Variants in RGS22 observed in about 807,000 individuals in gnomAD.
RGS22 encodes regulator of G protein signaling 22, also known as regulator of G-protein signaling 22.
RGS22 carries 148 observed loss-of-function variants against 172.9 expected under a neutral mutation model. The ratio of observed to expected loss-of-function variants is 0.86; its 90% CI spans 0.75 to 0.98. The LOEUF (loss-of-function observed/expected upper bound fraction) is 0.98. RGS22 is among the 50% of genes least tolerant of loss of function. The pLI is 0.00. For synonymous variants in RGS22, 458 were observed against 480.2 expected (o/e 0.95, Z 0.60); for missense variants, 1,347 against 1,440.8 (o/e 0.93, Z 1.05).
chr8:100,026,065 T>C (rs1818143728), intron 14 of RGS22, among the ~76,000 whole-genome samples: 1 of 152,194 alleles, frequency 6.6e-6, no homozygotes, highest in Non-Finnish European at 1.5e-5. Context: ...AGCAATAACA[T>C]GTTTAGGCTA....
At chr8:100,037,842 T>A (rs1819662562) in intron 14 of RGS22, among the ~76,000 whole-genome samples, 1 of 152,142 alleles carries the variant, frequency 6.6e-6, no homozygotes, top group South Asian at 2.1e-4. Flanking sequence ...GAAATGGTGC[T>A]AGTAAATTAG....
intron 23 of RGS22, among the ~76,000 whole-genome samples, chr8:99,975,404 T>C (rs953793626): frequency 6.6e-6 from 1 of 152,132 alleles, no homozygotes; most frequent in Non-Finnish European, 1.5e-5. Context: ...CTTGCTTTAA[T>C]AATGGAAATC....
Position 100,080,365 on chromosome 8 carries a change from A to G in RGS22, c.118-10T>C, listed in dbSNP as rs756814932. 3 of 1,572,630 alleles carry G rather than the reference A, an allele frequency of 1.9e-6. No individual in the cohort carries two copies. Among genetic ancestry groups the G allele is most frequent in the Non-Finnish European group, 2.6e-6 (3 of 1,155,898 alleles). On this transcript the variant is annotated splice_polypyrimidine_tract_variant and intron_variant, in intron 3 of 27. Transcript: ENST00000360863. ...TTGCCTCTGAAAAGGTCTGCAATAT[A>G]AATTTGTGGAAATTAAAACATTTTT...
intron 2 of RGS22, among the ~76,000 whole-genome samples, chr8:100,097,983 C>A (rs369314904): frequency 6.6e-6 from 1 of 152,344 alleles, no homozygotes; most frequent in Non-Finnish European, 1.5e-5. Flanking sequence ...TCATACTACA[C>A]GCTGTGGTCA....
chr8:100,005,949 C>T lies in RGS22; in HGVS notation c.2454+68G>A, dbSNP rs1183556614. 3 of 1,084,284 alleles carry T rather than the reference C, an allele frequency of 2.8e-6. No individual in the cohort carries two copies. In the East Asian group the frequency reaches 7.1e-5, roughly 26 times the overall value. The allele number at this position is 1,084,284 out of a possible 1,614,324, so 67.2% of individuals were successfully genotyped here. ...TCGTCACTCTACAATCTCCCCCTGC[C>T]CCATACATAAAGTGGTAACCCTCTC... On this transcript the variant is annotated intron_variant, in intron 16 of 27. Transcript: ENST00000360863.
chr8:100,003,923 C>A lies in RGS22; in HGVS notation c.2627+3G>T. The A allele has an allele frequency of 6.2e-7, 1 of 1,600,620 alleles. No homozygotes were observed. The highest frequency in any genetic ancestry group is 1.1e-5 in the South Asian group (1 of 88,762). On this transcript the variant is annotated splice_donor_region_variant and intron_variant, in intron 17 of 27. Transcript: ENST00000360863. ...GTGAGAAATATATGGTTATGTCCCT[C>A]ACCTTGAAGAATGAGTCTCAAGAAA...
chr8:100,045,629 A>T (rs1204386274), intron 11 of RGS22, among the ~76,000 whole-genome samples: 2 of 152,010 alleles, frequency 1.3e-5, no homozygotes, highest in African/African-American at 4.8e-5. Context: ...TATAACTCCT[A>T]TGAAAGACAA....
At chr8:99,986,124 G>A (rs1390915778) in intron 21 of RGS22, among the ~76,000 whole-genome samples, 1 of 151,964 alleles carries the variant, frequency 6.6e-6, no homozygotes, top group East Asian at 1.9e-4. Context: ...CAGCTACTTG[G>A]GAGGCTGAGG....
rs146998443 is a variant in RGS22, at chr8:100,062,890, T to G, written c.1353-138A>C. ...CAGGGTTCTCTTAAGGTTCTTCAAC[T>G]TACAGTAATCTAAAACATACAGAGC... On this transcript the variant is annotated intron_variant, in intron 8 of 27. Transcript: ENST00000360863. 391 of 688,806 alleles carry G rather than the reference T, an allele frequency of 5.7e-4. 2 individuals carry two copies. The African/African-American group carries it at 6.0e-3, about 11-fold the overall frequency. The allele number at this position is 688,806 out of a possible 1,614,324, so 42.7% of individuals were successfully genotyped here. A position where few individuals can be genotyped will look rare whatever the true frequency, so the allele number is the denominator to read the frequency against.
At chr8:100,097,983 C>T (rs369314904) in intron 2 of RGS22, among the ~76,000 whole-genome samples, 30 of 152,342 alleles carry the variant, frequency 2.0e-4, no homozygotes, top group African/African-American at 6.7e-4. Flanking sequence ...TCATACTACA[C>T]GCTGTGGTCA....
In RGS22 at chr8:100,041,867, T is replaced by C. The variant is rs1820169383; in HGVS notation, c.1873A>G (p.Thr625Ala). 1 of 1,613,212 alleles carries C rather than the reference T, an allele frequency of 6.2e-7. No individual in the cohort carries two copies. The highest frequency in any genetic ancestry group is 1.3e-5 in the African/African-American group (1 of 75,038). ...GGCTTGAGACATTCAGAAATGTCAG[T>C]AAAAGATGTTAAATGAATGACTTTG... Reference protein sequence around the residue: ...SSKVIHLTSFTDISECLKPQL... With the variant: ...SSKVIHLTSFADISECLKPQL... The change falls in exon 12 of 28, where the codon ACT (threonine) becomes GCT (alanine). Residue 625 changes from threonine (T) to alanine (A), a missense_variant. Transcript: ENST00000360863.
intron 9 of RGS22, 51 bp from the exon 10 acceptor site, chr8:100,053,027 A>T: frequency 6.6e-7 from 1 of 1,523,486 alleles, no homozygotes; most frequent in Non-Finnish European, 9.0e-7. Context: ...CAAGCCTCAA[A>T]AATGAAAAGC....
At chr8:100,080,735 C>T (rs9694747) in intron 3 of RGS22, 1,937 of 171,510 alleles carry the variant, frequency 0.011, 33 homozygotes, top group African/African-American at 0.039. Flanking sequence ...AATAATGCTC[C>T]CATTGTCTTT....
intron 4 of RGS22, among the ~76,000 whole-genome samples, chr8:100,072,485 C>A: frequency 6.6e-6 from 1 of 151,696 alleles, no homozygotes; most frequent in African/African-American, 2.4e-5. Flanking sequence ...ATTAACAAAT[C>A]GAATCCAGAG....
chr8:100,075,842 G>T (rs1811308052), intron 4 of RGS22, among the ~76,000 whole-genome samples: 1 of 152,114 alleles, frequency 6.6e-6, no homozygotes, highest in Non-Finnish European at 1.5e-5. Flanking sequence ...AATTGCAGCA[G>T]CAGTGTATGA....
At chr8:99,974,408 T>C (rs1278789676) in intron 23 of RGS22, among the ~76,000 whole-genome samples, 2 of 152,222 alleles carry the variant, frequency 1.3e-5, no homozygotes, top group Non-Finnish European at 2.9e-5. Flanking sequence ...TGGAACATTT[T>C]CTAGTCATAA....
chr8:99,960,992 C>A lies in RGS22; in HGVS notation c.*250G>T. 3.9e-6 allele frequency: 1 copy of A among 257,556 alleles called. No individual in the cohort carries two copies. Among genetic ancestry groups the A allele is most frequent in the South Asian group, 4.4e-5 (1 of 22,618 alleles). 16.0% of individuals were successfully genotyped at this position (257,556 alleles called of 1,614,324 possible). A position where few individuals can be genotyped will look rare whatever the true frequency, so the allele number is the denominator to read the frequency against. On this transcript the variant is annotated 3_prime_UTR_variant, in exon 28 of 28. Transcript: ENST00000360863. ...TTTATTCTAAATAAGTTAAACAGTT[C>A]TTATAGTCTTGTATGTCATGTGTAC...
At chr8:100,104,842 A>G (rs1044618701) in intron 2 of RGS22, among the ~76,000 whole-genome samples, 1 of 152,212 alleles carries the variant, frequency 6.6e-6, no homozygotes, top group African/African-American at 2.4e-5. Context: ...GAAACACTGT[A>G]TACAATGGGA....
chr8:99,981,131 T>C (rs1410732447), intron 22 of RGS22, among the ~76,000 whole-genome samples: 2 of 152,210 alleles, frequency 1.3e-5, no homozygotes, highest in Non-Finnish European at 2.9e-5. Context: ...ACCCCTATTA[T>C]AATTTATTTT....
Sources: allele counts gnomAD v4.1 joint callset (sites outside exome capture counted in the v4.1 genomes callset), GRCh38; gene constraint gnomAD v4.1.1; transcripts MANE v1.5; gene names NCBI Gene and HGNC (gene_info 2026-07-23, HGNC 2026-07-21).